Variants in NAV2 observed in about 807,000 individuals in gnomAD.
The protein encoded by NAV2 is neuron navigator 2.
A neutral mutation model predicts 223.2 loss-of-function variants in NAV2; 54 were observed. That is an observed-to-expected ratio of 0.24 (90% confidence interval 0.19 to 0.30). The LOEUF (loss-of-function observed/expected upper bound fraction) is 0.30, where lower values mean the gene tolerates loss of function less well. Among genes scored for constraint, NAV2 ranks in the 10% least tolerant of loss-of-function variants. NAV2 has a pLI of 1.00. For synonymous variants in NAV2, 1,279 were observed against 1,239.3 expected (o/e 1.03, Z -0.67); for missense variants, 2,806 against 3,147.5 (o/e 0.89, Z 2.60).
intron 1 of NAV2, among the ~76,000 whole-genome samples, chr11:19,695,348 T>C (rs1228888589): frequency 6.6e-6 from 1 of 152,150 alleles, no homozygotes; most frequent in African/African-American, 2.4e-5. Context: ...AGTTTTCTCA[T>C]CCGTAAACAG....
chr11:19,513,292 G>A (rs1234403493), intron 1 of NAV2, among the ~76,000 whole-genome samples: 1 of 152,230 alleles, frequency 6.6e-6, no homozygotes, highest in Non-Finnish European at 1.5e-5. Flanking sequence ...CACAGGTGTT[G>A]AAAAGCAAGT....
intron 1 of NAV2, chr11:19,519,813 CAG>C (rs2043584638): frequency 6.6e-6 from 1 of 151,822 alleles, no homozygotes; most frequent in Admixed American, 6.6e-5. Flanking sequence ...GCGTGATCAC[CAG>C]AGGAGTGATG....
chr11:19,473,106 G>A (rs2042013133), intron 1 of NAV2, among the ~76,000 whole-genome samples: 1 of 152,284 alleles, frequency 6.6e-6, no homozygotes, highest in East Asian at 1.9e-4. Flanking sequence ...AGCTTCTTTA[G>A]TCCTTGCTGA....
At chr11:19,656,167 A>C (rs2048118852) in intron 1 of NAV2, among the ~76,000 whole-genome samples, 2 of 152,224 alleles carry the variant, frequency 1.3e-5, no homozygotes, top group Admixed American at 6.5e-5. Flanking sequence ...TCTAAATAGC[A>C]GATAGAAATG....
At chr11:20,116,444 GA>G (rs1382106406) in intron 37 of NAV2, among the ~76,000 whole-genome samples, 1 of 152,204 alleles carries the variant, frequency 6.6e-6, no homozygotes, top group Non-Finnish European at 1.5e-5. Flanking sequence ...ACAAAGGAAA[GA>G]AGCATACTTT....
intron 1 of NAV2, among the ~76,000 whole-genome samples, chr11:19,679,981 C>A (rs1242584632): frequency 6.6e-6 from 1 of 152,176 alleles, no homozygotes; most frequent in African/African-American, 2.4e-5. Flanking sequence ...GGTTGGGGGC[C>A]AAGGCACCTG....
intron 10 of NAV2, among the ~76,000 whole-genome samples, chr11:19,953,858 C>CGTGTGTGTGT (rs373382653): frequency 2.7e-5 from 4 of 150,632 alleles, no homozygotes; most frequent in Middle Eastern, 3.4e-3. Flanking sequence ...CACGCGCGCG[C>CGTGTGTGTGT]GTGTGTGTGT....
chr11:19,889,851 G>A (rs933696398), intron 5 of NAV2, among the ~76,000 whole-genome samples: 2 of 152,204 alleles, frequency 1.3e-5, no homozygotes, highest in African/African-American at 2.4e-5. Context: ...CTAGGGAGAT[G>A]ATGAGCCCTG....
chr11:20,036,162 T>TG (rs1307749519), intron 12 of NAV2, 65 bp downstream of exon 12: 10 of 1,603,124 alleles, frequency 6.2e-6, no homozygotes, highest in Non-Finnish European at 8.5e-6. Flanking sequence ...CTTGGGCTTG[T>TG]GGGGTAAGAG....
At chr11:19,621,768 T>C (rs1384822316) in intron 1 of NAV2, among the ~76,000 whole-genome samples, 1 of 152,224 alleles carries the variant, frequency 6.6e-6, no homozygotes, top group Non-Finnish European at 1.5e-5. Context: ...AGTTCCGCTC[T>C]GATCTTAGTT....
chr11:19,415,678 C>T (rs537050430), intron 1 of NAV2, among the ~76,000 whole-genome samples: 48 of 152,258 alleles, frequency 3.2e-4, no homozygotes, highest in African/African-American at 8.2e-4. Context: ...TGATGAACAT[C>T]GATGCAAAAA....
Position 20,120,823 on chromosome 11 carries a change from A to G in NAV2, c.*2565A>G, listed in dbSNP as rs533353385. On this transcript the variant is annotated 3_prime_UTR_variant, in exon 38 of 38. Coordinates refer to ENST00000349880, the MANE Select transcript of NAV2 (RefSeq NM_145117.5). ...CATTTCTTATTTTGGTCATATTTTT[A>G]CTTTAGTGTCACTCACCTTTTACAA... 1.3e-5 allele frequency: 2 copies of G among 151,004 alleles called. No individual in the cohort carries two copies. Among genetic ancestry groups the G allele is most frequent in the South Asian group, 4.2e-4 (2 of 4,808 alleles). 9.4% of individuals were successfully genotyped at this position (151,004 alleles called of 1,614,324 possible).
chr11:19,788,179 G>A (rs1349197115), intron 1 of NAV2, among the ~76,000 whole-genome samples: 2 of 152,132 alleles, frequency 1.3e-5, no homozygotes, highest in African/African-American at 4.8e-5. Context: ...TGGTATAGGG[G>A]CTCTTGTGTG....
chr11:19,884,448 T>G, intron 5 of NAV2: 2 of 1,143,158 alleles, frequency 1.7e-6, no homozygotes, highest in Middle Eastern at 2.0e-4. Flanking sequence ...GAGTTTGCCT[T>G]TGGTCCTCTC....
intron 1 of NAV2, among the ~76,000 whole-genome samples, chr11:19,799,873 C>G (rs1359301774): frequency 2.6e-5 from 4 of 152,094 alleles, no homozygotes; most frequent in Non-Finnish European, 4.4e-5. Flanking sequence ...CCCTGAGAGA[C>G]TCTACTTTAT....
At chr11:19,639,884 G>A (rs1252822366) in intron 1 of NAV2, among the ~76,000 whole-genome samples, 3 of 152,226 alleles carry the variant, frequency 2.0e-5, no homozygotes, top group Non-Finnish European at 2.9e-5. Context: ...GTAGCAGGGT[G>A]TAAACATTCA....
At chr11:19,831,137 G>C (rs61879371) in intron 1 of NAV2, among the ~76,000 whole-genome samples, 35,222 of 148,888 alleles carry the variant, frequency 0.24, 4,762 homozygotes, top group Non-Finnish European at 0.32. Flanking sequence ...TGGTCCCCAG[G>C]TGGAGTAGCC....
rs182475423 is a variant in NAV2, at chr11:20,088,320, A to G, written c.5499-2545A>G. The stretch of plus-strand genomic sequence containing the variant: ...AGCCTCCTGAGTAGCCGGGATTACA[A>G]GTGCCCGCCACCAAAGCTACACCAC... On this transcript the variant is annotated intron_variant, in intron 26 of 37. Coordinates refer to ENST00000349880, the MANE Select transcript of NAV2 (RefSeq NM_145117.5). Among the ~76,000 whole-genome samples, 1,085 of 152,222 alleles carry G rather than the reference A, an allele frequency of 7.1e-3. 19 individuals carry two copies. The highest frequency in any genetic ancestry group is 0.025 in the African/African-American group (1,030 of 41,532).
At chr11:19,940,461 A>C (rs1421660195) in intron 8 of NAV2, among the ~76,000 whole-genome samples, 1 of 152,184 alleles carries the variant, frequency 6.6e-6, no homozygotes, top group South Asian at 2.1e-4. Context: ...CCAGGCTGCT[A>C]TCTTCTCTGT....
Sources: gnomAD v4.1 joint callset for allele counts (sites outside exome capture counted in the v4.1 genomes callset) on GRCh38, gnomAD v4.1.1 for gene constraint, MANE v1.5 for transcripts, NCBI Gene and HGNC (gene_info 2026-07-23, HGNC 2026-07-21) for gene names.